PTK6: variants seen among roughly 807,000 people sequenced by gnomAD.
PTK6 encodes the protein protein-tyrosine kinase 6.
A neutral mutation model predicts 47.5 loss-of-function variants in PTK6; 47 were observed. The ratio of observed to expected loss-of-function variants is 0.99; its 90% CI spans 0.78 to 1.26. The LOEUF is 1.26. PTK6 is among the 50% of genes most tolerant of loss of function. The pLI is 0.00. For synonymous variants in PTK6, 287 were observed against 276.5 expected (o/e 1.04, Z -0.38); for missense variants, 618 against 625.3 (o/e 0.99, Z 0.12).
rs2082604663 is a variant in PTK6 at position 63,529,962 on chromosome 20, G to A, written c.1168+116C>T. 3.0e-6 allele frequency: 4 copies of A among 1,323,020 alleles called. No individual in the cohort carries two copies. Among genetic ancestry groups the A allele is most frequent in the Admixed American group, 4.5e-5 (2 of 44,252 alleles). 82.0% of individuals were successfully genotyped at this position (1,323,020 alleles called of 1,614,324 possible). A position where few individuals can be genotyped will look rare whatever the true frequency, so the allele number is the denominator to read the frequency against. ...GGTGCAGGTGTGGAGTTCAGGCGAT[G>A]GCCCGCGGAGGGCCCTGAAGCCCGT... is the stretch of plus-strand genomic sequence containing the variant. On this transcript the variant is annotated intron_variant, in intron 7 of 7. Coordinates refer to ENST00000542869, the MANE Select transcript of PTK6 (RefSeq NM_005975.4). The surrounding 1 kb of genome is among the most constrained non-coding windows in gnomAD (Gnocchi z 5.6).
At position 63,537,291 on chromosome 20, in the gene PTK6, G is replaced by A. The variant is rs1569014700; in HGVS notation, c.24C>T (p.His8=). 1.9e-6 allele frequency: 3 copies of A among 1,611,634 alleles called. No individual in the cohort carries two copies. The highest frequency in any genetic ancestry group is 2.5e-6 in the Non-Finnish European group (3 of 1,179,568). ...AGAGGCCCACATACTTGGGGCCCAG[G>A]TGAGCCTGGTCCCGGGACACCATGG... MVSRDQA[H]LGPKYVGLWD... is the part of the protein sequence containing the mutation. The change falls in exon 1 of 8, where the codon CAC becomes CAT. Residue 8 remains histidine, a synonymous_variant. Coordinates refer to ENST00000542869, the MANE Select transcript of PTK6 (RefSeq NM_005975.4).
rs754789545 is a variant in PTK6 at position 63,530,817 on chromosome 20, C to T, written c.943G>A (p.Ala315Thr). Reference protein sequence around the residue: ...SQNYIHRDLAARNILVGENTL... With the variant: ...SQNYIHRDLATRNILVGENTL... ...TTTTCCCCGACGAGGATGTTCCTGGCGGCCAGGTCCCGGTGGATGTAATTC... is the reference window on the plus strand; with the variant it reads ...TTTTCCCCGACGAGGATGTTCCTGGTGGCCAGGTCCCGGTGGATGTAATTC... The change falls in exon 6 of 8, where the codon GCC becomes ACC. Residue 315 changes from alanine (A) to threonine (T), a missense_variant. Ala to Thr is a moderately conservative substitution (Grantham distance 58). Coordinates refer to ENST00000542869, the MANE Select transcript of PTK6 (RefSeq NM_005975.4). This position sits in a 1 kb window ranked among gnomAD's most constrained non-coding sequence, Gnocchi z 4.1. 9.3e-6 allele frequency: 15 copies of T among 1,613,960 alleles called. 1 individual carries two copies. Among genetic ancestry groups the T allele is most frequent in the Middle Eastern group, 1.6e-4 (1 of 6,084 alleles).
intron 2 of PTK6, among the ~76,000 whole-genome samples, chr20:63,534,720 C>T (rs1003389122): frequency 6.6e-6 from 1 of 152,142 alleles, no homozygotes; most frequent in African/African-American, 2.4e-5. Flanking sequence ...AAGCCCCTGC[C>T]CTCCCAGGGA....
chr20:63,530,663 T>G lies in PTK6; in HGVS notation c.1014+83A>C. ...GGGCCGCATCCTGCTCCCAGCCGAG[T>G]CCCCAGCTCCACACACAGGAAGCCC... On this transcript the variant is annotated intron_variant, in intron 6 of 7. Coordinates refer to ENST00000542869, the MANE Select transcript of PTK6 (RefSeq NM_005975.4). The surrounding 1 kb of genome is among the most constrained non-coding windows in gnomAD (Gnocchi z 4.1). 1 of 1,484,726 alleles carries G rather than the reference T, an allele frequency of 6.7e-7. No individual in the cohort carries two copies. Among genetic ancestry groups the G allele is most frequent in the Non-Finnish European group, 9.1e-7 (1 of 1,095,802 alleles). The allele number at this position is 1,484,726 out of a possible 1,614,324, so 92.0% of individuals were successfully genotyped here.
Position 63,532,671 on chromosome 20 carries a change from C to T in PTK6, c.687G>A (p.Gln229=). Reference sequence around the variant, plus strand: ...CCTGGATCTCCGACTGCAGCATCTGCTGGTGCAGGAGGTTGTCTGCGGGGA... The same window carrying T: ...CCTGGATCTCCGACTGCAGCATCTGTTGGTGCAGGAGGTTGTCTGCGGGGA... The part of the protein sequence containing the change: ...KVISRDNLLH[Q]QMLQSEIQAM... The change falls in exon 5 of 8, where the codon CAG becomes CAA. Residue 229 remains glutamine (Q), a synonymous_variant. Coordinates refer to ENST00000542869, the MANE Select transcript of PTK6 (RefSeq NM_005975.4). 2 of 1,613,982 alleles carry T rather than the reference C, an allele frequency of 1.2e-6. No homozygotes were observed. Among genetic ancestry groups the T allele is most frequent in the Non-Finnish European group, 1.7e-6 (2 of 1,179,998 alleles).
chr20:63,535,547 G>A (rs1051934385), intron 1 of PTK6, among the ~76,000 whole-genome samples: 11 of 152,008 alleles, frequency 7.2e-5, no homozygotes, highest in East Asian at 5.8e-4. Flanking sequence ...TCCCGGCTGC[G>A]GGGTGTGGGC....
Position 63,537,157 on chromosome 20 carries a change from G to A in PTK6, c.158C>T (p.Ala53Val), listed in dbSNP as rs765004968. Residue 53 changes from alanine (A) to valine (V), a missense_variant, in exon 1 of 8, where the codon GCG (alanine) becomes GTG (valine). Physicochemically the swap from Ala to Val is moderately conservative, Grantham distance 64 (BLOSUM62 0). Transcript: ENST00000542869. Reference sequence around the variant, plus strand: ...ATAGCCCTGGGCCACGGCCCCACCCGCCTCGTCCAGCAGCGTGGCCCACCA... The same window carrying A: ...ATAGCCCTGGGCCACGGCCCCACCCACCTCGTCCAGCAGCGTGGCCCACCA... ...QWWWATLLDE[A>V]GGAVAQGYVP... The A allele has an allele frequency of 1.4e-5, 22 of 1,611,648 alleles. No homozygotes were observed. Among genetic ancestry groups the A allele is most frequent in the Admixed American group, 5.0e-5 (3 of 59,918 alleles).
chr20:63,534,838 C>T, intron 2 of PTK6, 100 bp downstream of exon 2: 1 of 1,438,486 alleles, frequency 7.0e-7, no homozygotes. Flanking sequence ...GCCCATGTCC[C>T]CCGTCTCAGC....
At chr20:63,537,021 C>T in intron 1 of PTK6, 64 bp downstream of exon 1, 1 of 1,499,710 alleles carries the variant, frequency 6.7e-7, no homozygotes, top group Non-Finnish European at 9.0e-7. Context: ...GCCCAGAGCC[C>T]TGTCCCTCCC....
In PTK6 at chr20:63,537,356, G is replaced by A. The variant is rs201821933; in HGVS notation, c.-42C>T. The A allele has an allele frequency of 2.7e-4, 402 of 1,515,962 alleles. 1 individual carries two copies. The African/African-American group carries it at 4.9e-3, about 19-fold the overall frequency. The allele number at this position is 1,515,962 out of a possible 1,614,324, so 93.9% of individuals were successfully genotyped here. On this transcript the variant is annotated 5_prime_UTR_variant, in exon 1 of 8. Coordinates refer to ENST00000542869, the MANE Select transcript of PTK6 (RefSeq NM_005975.4). ...GGCAGGACCAGGCTGTGGCCCAGCT[G>A]GAGCACCCAGAGCTGGGCGTGGCAG... is the stretch of plus-strand genomic sequence containing the variant.
chr20:63,535,184 AC>A, intron 1 of PTK6, 125 bp from the exon 2 acceptor site: 1 of 1,335,138 alleles, frequency 7.5e-7, no homozygotes, highest in Non-Finnish European at 9.9e-7. Context: ...CCCAGCCCTG[AC>A]CACAGCTGCT....
At position 63,534,321 on chromosome 20, in the gene PTK6, A is replaced by C. The variant is rs779120455; in HGVS notation, c.353-6T>G. The C allele has an allele frequency of 1.8e-5, 28 of 1,594,666 alleles. No individual in the cohort carries two copies. The highest frequency in any genetic ancestry group is 3.4e-5 in the Admixed American group (2 of 58,784). On this transcript the variant is annotated splice_region_variant and splice_polypyrimidine_tract_variant and intron_variant, in intron 2 of 7. Coordinates refer to ENST00000542869, the MANE Select transcript of PTK6 (RefSeq NM_005975.4). The stretch of plus-strand genomic sequence containing the variant: ...CACAGCCTGCGTGTCCCGCACTGGG[A>C]GGGAGAGCGTGAGCTGTGTGGCCAC...
intron 5 of PTK6, among the ~76,000 whole-genome samples, chr20:63,531,435 A>AT (rs1435239054): frequency 9.3e-5 from 10 of 107,948 alleles, no homozygotes; most frequent in Non-Finnish European, 1.4e-4. Context: ...AAAAAAAAAA[A>AT]AAATATATAT....
rs1056293148 is a variant in PTK6 at position 63,534,981 on chromosome 20, C to A, written c.309G>T (p.Leu103=). ...CACTCGGCTTCTCGCTGACCCTGAT[C>A]AGGAAGGCGCCCGTGGCGTTGCCCT... The part of the protein sequence containing the change: ...QAEGNATGAF[L]IRVSEKPSAD... Residue 103 remains leucine (L), a synonymous_variant, in exon 2 of 8, where the codon CTG becomes CTT. Transcript: ENST00000542869. The A allele has an allele frequency of 1.2e-6, 2 of 1,608,188 alleles. No individual in the cohort carries two copies. The highest frequency in any genetic ancestry group is 1.7e-5 in the Admixed American group (1 of 59,752).
Position 63,530,350 on chromosome 20 carries a change from G to T in PTK6, c.1015-119C>A. On this transcript the variant is annotated intron_variant, in intron 6 of 7. Transcript: ENST00000542869. The surrounding 1 kb of genome is among the most constrained non-coding windows in gnomAD (Gnocchi z 4.1). Reference sequence around the variant, plus strand: ...TGGGACGGTGATGACCCCACTGTCTGACCCACGCACGGCCGCTGCAGCTAA... The same window carrying T: ...TGGGACGGTGATGACCCCACTGTCTTACCCACGCACGGCCGCTGCAGCTAA... The T allele has an allele frequency of 1.5e-6, 2 of 1,336,888 alleles. No homozygotes were observed. The highest frequency in any genetic ancestry group is 2.1e-6 in the Non-Finnish European group (2 of 967,826). 82.8% of individuals were successfully genotyped at this position (1,336,888 alleles called of 1,614,324 possible). A position where few individuals can be genotyped will look rare whatever the true frequency, so the allele number is the denominator to read the frequency against.
At chr20:63,535,363 G>A (rs1389140320) in intron 1 of PTK6, among the ~76,000 whole-genome samples, 2 of 152,076 alleles carry the variant, frequency 1.3e-5, no homozygotes, top group Non-Finnish European at 2.9e-5. Flanking sequence ...TGAGCAGGAT[G>A]GCTGCCCAGA....
chr20:63,530,620 C>T lies in PTK6; in HGVS notation c.1014+126G>A. ...GTGGCTTCCCACCTCCCTGCCCAGC[C>T]TGGGCTCCCGAGGGCAGGGGCCGCA... On this transcript the variant is annotated intron_variant, in intron 6 of 7. Transcript: ENST00000542869. The surrounding 1 kb of genome is among the most constrained non-coding windows in gnomAD (Gnocchi z 4.1). The T allele has an allele frequency of 1.6e-6, 2 of 1,236,152 alleles. No homozygotes were observed. The highest frequency in any genetic ancestry group is 5.1e-5 in the East Asian group (2 of 39,164). The allele number at this position is 1,236,152 out of a possible 1,614,324, so 76.6% of individuals were successfully genotyped here.
At position 63,534,941 on chromosome 20, in the gene PTK6, A is replaced by G. The variant is rs140481984; in HGVS notation, c.349T>C (p.Ser117Pro). Reference sequence around the variant, plus strand: ...GGCTCGGAGGCCGGGGCCGCACCCGACAGGACGTAGTCGGCACTCGGCTTC... The same window carrying G: ...GGCTCGGAGGCCGGGGCCGCACCCGGCAGGACGTAGTCGGCACTCGGCTTC... ...SEKPSADYVL[S>P]VRDTQAVRHY... Residue 117 changes from serine (S) to proline (P), a missense_variant, in exon 2 of 8, where the codon TCG becomes CCG. Coordinates refer to ENST00000542869, the MANE Select transcript of PTK6 (RefSeq NM_005975.4). 5.5e-5 allele frequency: 88 copies of G among 1,600,216 alleles called. No individual in the cohort carries two copies. In the African/African-American group the frequency reaches 1.1e-3, roughly 21 times the overall value.
rs1396657752 is a variant in PTK6, at chr20:63,533,388, T to A, written c.670+163A>T. ...GCCTAAAATTTTCTTTTATAATAAA[T>A]GTATTTAGGTAAAAACATAGGTGCA... On this transcript the variant is annotated intron_variant, in intron 4 of 7. Coordinates refer to ENST00000542869, the MANE Select transcript of PTK6 (RefSeq NM_005975.4). This position sits in a 1 kb window ranked among gnomAD's most constrained non-coding sequence, Gnocchi z 4.0. Among the ~76,000 whole-genome samples, 2 of 152,138 alleles carry A rather than the reference T, an allele frequency of 1.3e-5. No individual in the cohort carries two copies. Among genetic ancestry groups the A allele is most frequent in the African/African-American group, 4.8e-5 (2 of 41,428 alleles).
Sources: allele counts gnomAD v4.1 joint callset (sites outside exome capture counted in the v4.1 genomes callset), GRCh38; gene constraint gnomAD v4.1.1; non-coding constraint Gnocchi (gnomAD v3.1); transcripts MANE v1.5; gene names NCBI Gene and HGNC (gene_info 2026-07-23, HGNC 2026-07-21).